Variants in CRPPA observed in about 807,000 individuals in gnomAD.
The protein encoded by CRPPA is CDP-L-ribitol pyrophosphorylase A.
Under a neutral mutation model 52.0 loss-of-function variants are expected in CRPPA, and 43 were observed. The ratio of observed to expected loss-of-function variants is 0.83; its 90% CI spans 0.65 to 1.07. The LOEUF (loss-of-function observed/expected upper bound fraction) is 1.07, where lower values mean the gene tolerates loss of function less well. Ranked by LOEUF, CRPPA falls within the 50% of genes least tolerant of loss-of-function variation. The pLI, the probability that CRPPA is intolerant of heterozygous loss-of-function variation, is 0.00. For synonymous variants in CRPPA, 250 were observed against 203.5 expected, an observed-to-expected ratio of 1.23 and a Z score of -1.94; for missense variants, 629 against 551.7, an observed-to-expected ratio of 1.14 and a Z score of -1.40.
At chr7:16,291,373 GCATACTACA>G in intron 5 of CRPPA, among the ~76,000 whole-genome samples, 1 of 151,860 alleles carries the variant, frequency 6.6e-6, no homozygotes, top group East Asian at 1.9e-4. Flanking sequence ...AGAAAATGTG[GCATACTACA>G]CAATGGAATA....
chr7:16,254,817 GAAAGAAAGAAAGAAAGAAAGA>G (rs2128411164), intron 8 of CRPPA, among the ~76,000 whole-genome samples: 1 of 144,970 alleles, frequency 6.9e-6, no homozygotes, highest in Admixed American at 6.9e-5. Flanking sequence ...AAGAAAGAAA[GAAAGAAAGAAAGAAAGAAAGA>G]AAGAAAGAGA....
intron 9 of CRPPA, among the ~76,000 whole-genome samples, chr7:16,126,378 C>T (rs965646372): frequency 1.3e-5 from 2 of 151,946 alleles, no homozygotes; most frequent in Non-Finnish European, 2.9e-5. Flanking sequence ...GATGCAAGGC[C>T]CAAATGTCTC....
rs115737591 is a variant in CRPPA, at chr7:16,233,182, C to G, written c.1120-16985G>C. 3.0e-3 allele frequency among the ~76,000 whole-genome samples: 448 copies of G among 151,706 alleles called. 3 individuals carry two copies. The highest frequency in any genetic ancestry group is 0.01 in the African/African-American group (429 of 41,400). On this transcript the variant is annotated intron_variant, in intron 8 of 9. Transcript: ENST00000407010. ...GGCAAAAAGAGGAAATTAAACAGAC[C>G]ACCAGTGAGATATGGATCATATTTA...
At chr7:16,331,797 G>A (rs1480687109) in intron 3 of CRPPA, among the ~76,000 whole-genome samples, 1 of 152,084 alleles carries the variant, frequency 6.6e-6, no homozygotes, top group Non-Finnish European at 1.5e-5. Flanking sequence ...ACCTCTGAAA[G>A]TGAGAAGTAA....
At chr7:16,336,701 G>T (rs370738535) in intron 3 of CRPPA, among the ~76,000 whole-genome samples, 58 of 152,104 alleles carry the variant, frequency 3.8e-4, no homozygotes, top group Admixed American at 1.0e-3. Flanking sequence ...AAAGTGGTTG[G>T]AGTAAAAACT....
chr7:16,397,527 TCAACA>T (rs201066481), intron 2 of CRPPA, among the ~76,000 whole-genome samples: 223 of 151,094 alleles, frequency 1.5e-3, no homozygotes, highest in African/African-American at 5.2e-3. Flanking sequence ...TGTGACATGA[TCAACA>T]CAACATGTGA....
At chr7:16,192,315 G>A (rs938630456) in intron 9 of CRPPA, among the ~76,000 whole-genome samples, 2 of 152,042 alleles carry the variant, frequency 1.3e-5, no homozygotes, top group Non-Finnish European at 2.9e-5. Flanking sequence ...TGAGTGATAT[G>A]TAAGGTTCTG....
intron 9 of CRPPA, among the ~76,000 whole-genome samples, chr7:16,099,295 G>C (rs908520858): frequency 1.3e-4 from 18 of 140,632 alleles, no homozygotes; most frequent in Admixed American, 8.2e-4. Context: ...AAAAAGGAAA[G>C]AAAAAAAGGA....
At chr7:16,293,846 A>G (rs1025054442) in intron 5 of CRPPA, among the ~76,000 whole-genome samples, 10 of 151,976 alleles carry the variant, frequency 6.6e-5, no homozygotes, top group Admixed American at 1.3e-4. Flanking sequence ...CCTTAGAACT[A>G]AAAGTAAGGA....
At chr7:16,306,169 G>A (rs972907968) in intron 4 of CRPPA, among the ~76,000 whole-genome samples, 7 of 152,128 alleles carry the variant, frequency 4.6e-5, no homozygotes, top group Non-Finnish European at 2.9e-5. Flanking sequence ...GCAGGACCTC[G>A]TCTTCACTTG....
At chr7:16,282,655 T>C (rs2128418683) in intron 5 of CRPPA, among the ~76,000 whole-genome samples, 1 of 152,058 alleles carries the variant, frequency 6.6e-6, no homozygotes, top group Admixed American at 6.5e-5. Context: ...AAACAAAAAT[T>C]AAGAAAAAAT....
At position 16,301,479 on chromosome 7, in the gene CRPPA, T is replaced by C. The variant is rs1357683697; in HGVS notation, c.790-13A>G. On this transcript the variant is annotated splice_polypyrimidine_tract_variant and intron_variant, in intron 4 of 9. Transcript: ENST00000407010. Reference sequence around the variant, plus strand: ...GTTTGTAGGTCACCTAAAGGACAGATAAACTTCATTAGACTTAACAGAGCA... The same window carrying C: ...GTTTGTAGGTCACCTAAAGGACAGACAAACTTCATTAGACTTAACAGAGCA... 2 of 1,601,770 alleles carry C rather than the reference T, an allele frequency of 1.2e-6. No homozygotes were observed. The highest frequency in any genetic ancestry group is 1.7e-5 in the Admixed American group (1 of 59,778).
chr7:16,394,621 G>T (rs1246787477), intron 2 of CRPPA, among the ~76,000 whole-genome samples: 2 of 152,070 alleles, frequency 1.3e-5, no homozygotes, highest in African/African-American at 2.4e-5. Context: ...TGTATTCATG[G>T]GTTCCCACCT....
intron 8 of CRPPA, among the ~76,000 whole-genome samples, chr7:16,251,273 T>C (rs1783441816): frequency 6.6e-6 from 1 of 152,092 alleles, no homozygotes. Flanking sequence ...CACCCAATAA[T>C]AGGGGGAGAC....
chr7:16,327,804 T>G (rs1044898978), intron 3 of CRPPA, among the ~76,000 whole-genome samples: 5 of 152,076 alleles, frequency 3.3e-5, no homozygotes, highest in African/African-American at 1.2e-4. Context: ...GGGAAGGAGC[T>G]CCTTGCTTTA....
At chr7:16,179,356 G>A (rs1044228120) in intron 9 of CRPPA, among the ~76,000 whole-genome samples, 7 of 152,080 alleles carry the variant, frequency 4.6e-5, no homozygotes, top group Non-Finnish European at 8.8e-5. Context: ...CCATGAAAAT[G>A]TTGTCACGCA....
intron 9 of CRPPA, among the ~76,000 whole-genome samples, chr7:16,108,595 T>C (rs1782200615): frequency 2.6e-5 from 4 of 151,874 alleles, no homozygotes; most frequent in Admixed American, 2.6e-4. Flanking sequence ...AACAATACTT[T>C]AGACCATATG....
chr7:16,115,918 G>T (rs916850529), intron 9 of CRPPA, among the ~76,000 whole-genome samples: 1 of 152,090 alleles, frequency 6.6e-6, no homozygotes, highest in African/African-American at 2.4e-5. Flanking sequence ...GGCACAAAAG[G>T]TAAAGATCTT....
At chr7:16,383,265 C>CA (rs1787161829) in intron 2 of CRPPA, among the ~76,000 whole-genome samples, 1 of 152,136 alleles carries the variant, frequency 6.6e-6, no homozygotes, top group Non-Finnish European at 1.5e-5. Context: ...CACTCTAGAC[C>CA]CTGTTTGCCT....
Sources: gnomAD v4.1 joint callset for allele counts (sites outside exome capture counted in the v4.1 genomes callset) on GRCh38, gnomAD v4.1.1 for gene constraint, MANE v1.5 for transcripts, NCBI Gene and HGNC (gene_info 2026-07-23, HGNC 2026-07-21) for gene names.